CXCR4: variants seen among roughly 807,000 people sequenced by gnomAD.
CXCR4 encodes the protein C-X-C chemokine receptor type 4.
CXCR4 carries 6 observed loss-of-function variants against 22.4 expected under a neutral mutation model. The ratio of observed to expected loss-of-function variants is 0.27; its 90% CI spans 0.15 to 0.53. CXCR4 has a LOEUF of 0.53. CXCR4 is among the 20% of genes least tolerant of loss of function. The pLI is 0.96. For missense variants in CXCR4, 300 were observed against 430.4 expected, an observed-to-expected ratio of 0.70 and a Z score of 2.68; for synonymous variants, 155 against 171.7, an observed-to-expected ratio of 0.90 and a Z score of 0.76.
intron 1 of CXCR4, chr2:136,116,299 G>T (rs906112228): frequency 2.1e-5 from 23 of 1,082,752 alleles, no homozygotes; most frequent in Non-Finnish European, 2.7e-5. Flanking sequence ...CAGGCGGCGT[G>T]GGGGGTGGGG....
rs1160274529 is a variant in CXCR4 at position 136,115,475 on chromosome 2, C to T, written c.453G>A (p.Leu151=). 9.9e-6 allele frequency: 16 copies of T among 1,614,076 alleles called. No homozygotes were observed. In the Admixed American group the frequency reaches 2.7e-4, roughly 27 times the overall value. Residue 151 remains leucine (L), a synonymous_variant, in exon 2 of 2, where the codon TTG becomes TTA. Transcript: ENST00000241393. The surrounding 1 kb of genome is among the most constrained non-coding windows in gnomAD (Gnocchi z 6.4). ...CGCCAACATAGACCACCTTTTCAGC[C>T]AACAGCTTCCTTGGCCTCTGACTGT... ...ATNSQRPRKL[L]AEKVVYVGVW...
chr2:136,116,143 A>G, intron 1 of CXCR4: 1 of 1,437,642 alleles, frequency 7.0e-7, no homozygotes, highest in East Asian at 2.6e-5. Flanking sequence ...ACCAATTACA[A>G]AATTCTTTGT....
At chr2:136,117,602 C>G (rs1684947927) in intron 1 of CXCR4, 1 of 168,936 alleles carries the variant, frequency 5.9e-6, no homozygotes, top group African/African-American at 2.4e-5. Flanking sequence ...GGGAACTCAG[C>G]CCAGGCACGC....
At chr2:136,117,824 C>T in intron 1 of CXCR4, 3 of 542,430 alleles carry the variant, frequency 5.5e-6, no homozygotes, top group South Asian at 4.8e-5. Flanking sequence ...ACGCTCTTTC[C>T]AGTCGTTTCT....
At chr2:136,117,915 C>T in intron 1 of CXCR4, 131 bp downstream of exon 1, 1 of 463,928 alleles carries the variant, frequency 2.2e-6, no homozygotes, top group Non-Finnish European at 4.0e-6. Context: ...AAGAAAACTC[C>T]TTTCGGTGAC....
chr2:136,114,714 A>T lies in CXCR4; in HGVS notation c.*155T>A. Reference sequence around the variant, plus strand: ...TGAAACAAAAAAAATTTATATAAATAAGTCAATTAAACTTCACAAAAACTA... The same window carrying T: ...TGAAACAAAAAAAATTTATATAAATTAGTCAATTAAACTTCACAAAAACTA... On this transcript the variant is annotated 3_prime_UTR_variant, in exon 2 of 2. Transcript: ENST00000241393. 1 of 675,378 alleles carries T rather than the reference A, an allele frequency of 1.5e-6. No individual in the cohort carries two copies. Among genetic ancestry groups the T allele is most frequent in the Non-Finnish European group, 2.4e-6 (1 of 416,842 alleles). The allele number at this position is 675,378 out of a possible 1,614,324, so 41.8% of individuals were successfully genotyped here. A position where few individuals can be genotyped will look rare whatever the true frequency, so the allele number is the denominator to read the frequency against.
At chr2:136,117,327 G>A (rs1684927141) in intron 1 of CXCR4, among the ~76,000 whole-genome samples, 1 of 145,528 alleles carries the variant, frequency 6.9e-6, no homozygotes, top group Admixed American at 6.9e-5. Context: ...GCGGCCGTGG[G>A]GAAGAGGCGC....
At chr2:136,116,093 C>G (rs993935019) in intron 1 of CXCR4, 181 bp from the exon 2 acceptor site, 32 of 1,506,134 alleles carry the variant, frequency 2.1e-5, no homozygotes, top group Non-Finnish European at 2.8e-5. Flanking sequence ...TCCTCCCCAT[C>G]TTTTCCCATA....
At chr2:136,117,754 A>G (rs1684955952) in intron 1 of CXCR4, 1 of 418,610 alleles carries the variant, frequency 2.4e-6, no homozygotes, top group African/African-American at 2.1e-5. Flanking sequence ...ACGTTTGCAA[A>G]CAGCGTGCAA....
At chr2:136,117,887 CACTA>C in intron 1 of CXCR4, 155 bp downstream of exon 1, 1 of 222,944 alleles carries the variant, frequency 4.5e-6, no homozygotes, top group Non-Finnish European at 9.1e-6. Context: ...CACCCACCCG[CACTA>C]TATAGGCATG....
chr2:136,115,845 C>G lies in CXCR4; in HGVS notation c.83G>C (p.Cys28Ser). 6.2e-7 allele frequency: 1 copy of G among 1,614,164 alleles called. No individual in the cohort carries two copies. Reference protein sequence around the residue: ...SGDYDSMKEPCFREENANFNK... With the variant: ...SGDYDSMKEPSFREENANFNK... ...GAAATTAGCATTTTCTTCACGGAAA[C>G]AGGGTTCCTTCATGGAGTCATAGTC... is the stretch of plus-strand genomic sequence containing the variant. Residue 28 changes from cysteine (C) to serine (S), a missense_variant, in exon 2 of 2, where the codon TGT (cysteine) becomes TCT (serine). Coordinates refer to ENST00000241393, the MANE Select transcript of CXCR4 (RefSeq NM_003467.3). The surrounding 1 kb of genome is among the most constrained non-coding windows in gnomAD (Gnocchi z 6.4).
intron 1 of CXCR4, chr2:136,117,569 T>A (rs1684945510): frequency 6.2e-6 from 1 of 160,660 alleles, no homozygotes; most frequent in African/African-American, 2.4e-5. Context: ...ACCCCGAAGT[T>A]AAAGCGGGCG....
chr2:136,115,630 C>G lies in CXCR4; in HGVS notation c.298G>C (p.Ala100Pro). 6.2e-7 allele frequency: 1 copy of G among 1,614,162 alleles called. No homozygotes were observed. Among genetic ancestry groups the G allele is most frequent in the Non-Finnish European group, 8.5e-7 (1 of 1,180,032 alleles). ...TLPFWAVDAV[A>P]NWYFGNFLCK... is the part of the protein sequence containing the mutation. Reference sequence around the variant, plus strand: ...AGGAAGTTCCCAAAGTACCAGTTTGCCACGGCATCAACTGCCCAGAAGGGA... The same window carrying G: ...AGGAAGTTCCCAAAGTACCAGTTTGGCACGGCATCAACTGCCCAGAAGGGA... Residue 100 changes from alanine (A) to proline (P), a missense_variant, in exon 2 of 2, where the codon GCA (alanine) becomes CCA (proline). Physicochemically the swap from Ala to Pro is conservative, Grantham distance 27. This residue lies in a region of CXCR4 where 118 missense variants were observed against 188.2 expected (regional missense o/e 0.63). Transcript: ENST00000241393. The surrounding 1 kb of genome is among the most constrained non-coding windows in gnomAD (Gnocchi z 6.4).
At chr2:136,117,771 G>A in intron 1 of CXCR4, 1 of 453,150 alleles carries the variant, frequency 2.2e-6, no homozygotes, top group Non-Finnish European at 3.9e-6. Context: ...GCAAGCCGCC[G>A]CGCGCGGCGG....
chr2:136,115,978 A>T lies in CXCR4; in HGVS notation c.16-66T>A, dbSNP rs559299522. On this transcript the variant is annotated intron_variant, in intron 1 of 1. Coordinates refer to ENST00000241393, the MANE Select transcript of CXCR4 (RefSeq NM_003467.3). This position sits in a 1 kb window ranked among gnomAD's most constrained non-coding sequence, Gnocchi z 6.4. ...AGCAAGCATTAACCCAGTTAAAAAA[A>T]ATTTTTAAAGCAATTTAAAAAACCA... is the stretch of plus-strand genomic sequence containing the variant. 3,453 of 1,613,198 alleles carry T rather than the reference A, an allele frequency of 2.1e-3. 60 individuals carry two copies. The South Asian group carries it at 0.027, about 12-fold the overall frequency.
intron 1 of CXCR4, chr2:136,116,301 G>C (rs1440336774): frequency 1.0e-5 from 11 of 1,066,540 alleles, no homozygotes; most frequent in Non-Finnish European, 1.1e-5. Context: ...GGCGGCGTGG[G>C]GGGTGGGGTG....
chr2:136,117,721 G>T, intron 1 of CXCR4: 2 of 290,572 alleles, frequency 6.9e-6, no homozygotes, highest in Non-Finnish European at 6.5e-6. Context: ...CGCCTTCTCT[G>T]CACTTGTGCA....
At position 136,114,694 on chromosome 2, in the gene CXCR4, CA is replaced by C. The variant is rs1252273611; in HGVS notation, c.*174del. 45 of 586,930 alleles carry C rather than the reference CA, an allele frequency of 7.7e-5. No individual in the cohort carries two copies. The highest frequency in any genetic ancestry group is 1.0e-4 in the Admixed American group (3 of 28,754). 36.4% of individuals were successfully genotyped at this position (586,930 alleles called of 1,614,324 possible). A position where few individuals can be genotyped will look rare whatever the true frequency, so the allele number is the denominator to read the frequency against. On this transcript the variant is annotated 3_prime_UTR_variant, in exon 2 of 2. Coordinates refer to ENST00000241393, the MANE Select transcript of CXCR4 (RefSeq NM_003467.3). ...TGCCTAGACACACATCAATATGAAACAAAAAAAATTTATATAAATAAGTCAA... is the reference window on the plus strand; with the variant it reads ...TGCCTAGACACACATCAATATGAAACAAAAAAATTTATATAAATAAGTCAA...
intron 1 of CXCR4, 26 bp downstream of exon 1, chr2:136,118,020 A>G (rs1406834969): frequency 6.2e-7 from 1 of 1,612,876 alleles, no homozygotes; most frequent in Non-Finnish European, 8.5e-7. Flanking sequence ...TACATTTATG[A>G]CAAAGCAGGT....
Sources: allele counts gnomAD v4.1 joint callset (sites outside exome capture counted in the v4.1 genomes callset), GRCh38; gene constraint gnomAD v4.1.1; regional missense constraint gnomAD v4.1.1; non-coding constraint Gnocchi (gnomAD v3.1); transcripts MANE v1.5; gene names NCBI Gene and HGNC (gene_info 2026-07-23, HGNC 2026-07-21).